The following SEMA3F variants were observed in gnomAD, a reference collection of about 807,000 sequenced individuals.
The protein encoded by SEMA3F is semaphorin 3F.
SEMA3F carries 30 observed loss-of-function variants against 98.5 expected under a neutral mutation model. That is an observed-to-expected ratio of 0.30 (90% CI 0.23 to 0.41). The LOEUF is 0.41. Ranked by LOEUF, SEMA3F falls within the 10% of genes least tolerant of loss-of-function variation. The pLI, the probability that SEMA3F is intolerant of heterozygous loss-of-function variation, is 1.00. For missense variants in SEMA3F, 866 were observed against 1,119.3 expected, an observed-to-expected ratio of 0.77 and a Z score of 3.23; for synonymous variants, 380 against 444.8, an observed-to-expected ratio of 0.85 and a Z score of 1.83.
chr3:50,183,620 G>A, intron 12 of SEMA3F, 56 bp downstream of exon 12: 1 of 1,582,346 alleles, frequency 6.3e-7, no homozygotes, highest in East Asian at 2.2e-5. Context: ...GAGGCCTCTG[G>A]GTCAGGCTCT....
intron 2 of SEMA3F, among the ~76,000 whole-genome samples, chr3:50,167,266 G>A (rs986351491): frequency 3.3e-5 from 5 of 152,228 alleles, no homozygotes; most frequent in African/African-American, 7.2e-5. Flanking sequence ...GGATGGTCAG[G>A]TGCATGGACC....
Position 50,184,391 on chromosome 3 carries a change from G to A in SEMA3F, c.1234-201G>A, listed in dbSNP as rs186560909. The A allele has an allele frequency of 3.4e-4, 203 of 591,558 alleles. 1 individual carries two copies. In the East Asian group the frequency reaches 5.3e-3, roughly 15 times the overall value. 36.6% of individuals were successfully genotyped at this position (591,558 alleles called of 1,614,324 possible). A position where few individuals can be genotyped will look rare whatever the true frequency, so the allele number is the denominator to read the frequency against. ...GGCACCTGAGGCCAGGGAGGTGGCT[G>A]TGGCATTTGGCCACCTGGGACCTTG... On this transcript the variant is annotated intron_variant, in intron 12 of 18. Transcript: ENST00000002829.
rs1263070101 is a variant in SEMA3F at position 50,184,634 on chromosome 3, G to A, written c.1276G>A (p.Asp426Asn). The change falls in exon 13 of 19, where the codon GAT becomes AAT. Residue 426 changes from aspartate to asparagine, a missense_variant. Physicochemically the swap from Asp to Asn is conservative, Grantham distance 23. Transcript: ENST00000002829. ...CACGCCATCTATGAAGTCCACCAAG[G>A]ATTATCCTGATGAGGTGATCAACTT... ...TFTPSMKSTK[D>N]YPDEVINFMR... 2.5e-6 allele frequency: 4 copies of A among 1,614,104 alleles called. No homozygotes were observed. Among genetic ancestry groups the A allele is most frequent in the Non-Finnish European group, 2.5e-6 (3 of 1,180,002 alleles).
rs1698408197 is a variant in SEMA3F, at chr3:50,166,402, G to A, written c.112+6668G>A. ...CCAAGGCTGAGTGGCTAGCACTCCAGGGGGCCTCTCCCAGGGCTGCCTGTA... is the reference window on the plus strand; with the variant it reads ...CCAAGGCTGAGTGGCTAGCACTCCAAGGGGCCTCTCCCAGGGCTGCCTGTA... On this transcript the variant is annotated intron_variant, in intron 2 of 18. Transcript: ENST00000002829. The surrounding 1 kb of genome is among the most constrained non-coding windows in gnomAD (Gnocchi z 4.7). Among the ~76,000 whole-genome samples the A allele has an allele frequency of 6.6e-6, 1 of 152,224 alleles. No homozygotes were observed. Among genetic ancestry groups the A allele is most frequent in the South Asian group, 2.1e-4 (1 of 4,832 alleles).
chr3:50,157,197 G>A (rs1698018964), intron 1 of SEMA3F, among the ~76,000 whole-genome samples: 1 of 151,662 alleles, frequency 6.6e-6, no homozygotes, highest in Non-Finnish European at 1.5e-5. Context: ...GTCTGGATCC[G>A]GCTGTACAGT....
chr3:50,175,306 C>G (rs1053432678), intron 6 of SEMA3F, 118 bp downstream of exon 6: 2 of 697,194 alleles, frequency 2.9e-6, no homozygotes, highest in Non-Finnish European at 5.1e-6. Flanking sequence ...GTGCCCACAC[C>G]CTGTCCCCAC....
chr3:50,166,480 C>T lies in SEMA3F; in HGVS notation c.112+6746C>T, dbSNP rs1698411076. 1.3e-5 allele frequency among the ~76,000 whole-genome samples: 2 copies of T among 152,184 alleles called. No homozygotes were observed. The highest frequency in any genetic ancestry group is 1.3e-4 in the Admixed American group (2 of 15,286). On this transcript the variant is annotated intron_variant, in intron 2 of 18. Coordinates refer to ENST00000002829, the MANE Select transcript of SEMA3F (RefSeq NM_004186.5). The surrounding 1 kb of genome is among the most constrained non-coding windows in gnomAD (Gnocchi z 4.7). ...CTGGGCCTGGGGCCTGTGCGGAGTG[C>T]TCACTGCCTGCCCTTGACTGGCTAC...
In SEMA3F at chr3:50,185,950, C is replaced by T. The variant is rs746453207; in HGVS notation, c.1649C>T (p.Ala550Val). Residue 550 changes from alanine to valine, a missense_variant, in exon 16 of 19, where the codon GCG (alanine) becomes GTG (valine). Physicochemically the swap from Ala to Val is moderately conservative, Grantham distance 64. Transcript: ENST00000002829. ...CACCTGAGCCTGCACCGCTGCCAGG[C>T]GTATGGGGCTGCCTGTGCTGACTGC... ...VTHLSLHRCQAYGAACADCCL... is the reference protein window; with the variant it reads ...VTHLSLHRCQVYGAACADCCL... 13 of 1,613,910 alleles carry T rather than the reference C, an allele frequency of 8.1e-6. No homozygotes were observed. The highest frequency in any genetic ancestry group is 3.3e-5 in the South Asian group (3 of 91,088).
chr3:50,155,069 C>A, upstream of SEMA3F: 1 of 371,352 alleles, frequency 2.7e-6, no homozygotes, highest in Non-Finnish European at 4.9e-6. The surrounding 1 kb of genome is among the most constrained non-coding windows in gnomAD (Gnocchi z 4.9). Context: ...AGCGCCCCGT[C>A]CCGCCGGCGG....
intron 2 of SEMA3F, among the ~76,000 whole-genome samples, chr3:50,160,585 G>A (rs535713375): frequency 7.9e-5 from 12 of 152,334 alleles, no homozygotes; most frequent in African/African-American, 2.9e-4. Context: ...CCATGCTGGG[G>A]CCTGGGGGAC....
At chr3:50,165,982 C>T (rs1356751108) in intron 2 of SEMA3F, among the ~76,000 whole-genome samples, 1 of 152,120 alleles carries the variant, frequency 6.6e-6, no homozygotes, top group Non-Finnish European at 1.5e-5. Context: ...CTCACTGGGC[C>T]GAGGGGAGCA....
rs59949761 is a variant in SEMA3F at position 50,188,174 on chromosome 3, G to GATATATATATAT, written c.*73_*84dup. 69 of 299,228 alleles carry GATATATATATAT rather than the reference G, an allele frequency of 2.3e-4. No homozygotes were observed. Among genetic ancestry groups the GATATATATATAT allele is most frequent in the Admixed American group, 7.5e-4 (14 of 18,588 alleles). The allele number at this position is 299,228 out of a possible 1,614,324, so 18.5% of individuals were successfully genotyped here. A position where few individuals can be genotyped will look rare whatever the true frequency, so the allele number is the denominator to read the frequency against. On this transcript the variant is annotated 3_prime_UTR_variant, in exon 19 of 19. Coordinates refer to ENST00000002829, the MANE Select transcript of SEMA3F (RefSeq NM_004186.5). The surrounding 1 kb of genome is among the most constrained non-coding windows in gnomAD (Gnocchi z 4.5). Reference sequence around the variant, plus strand: ...AGCCCTTGTCCCTTTTAATATAAAAGATATATATATATATATATATATATA... The same window carrying GATATATATATAT: ...AGCCCTTGTCCCTTTTAATATAAAAGATATATATATATATATATATATATATATATATATATA...
At chr3:50,160,046 A>G (rs1479415695) in intron 2 of SEMA3F, among the ~76,000 whole-genome samples, 4 of 152,040 alleles carry the variant, frequency 2.6e-5, no homozygotes, top group Non-Finnish European at 5.9e-5. Context: ...AGAGGTGGCA[A>G]TGTCACTCCT....
rs768032336 is a variant in SEMA3F, at chr3:50,175,123, G to A, written c.484G>A (p.Val162Ile). The stretch of plus-strand genomic sequence containing the variant: ...CACACCATGGACCCAGACTCAGGCG[G>A]TCAGAGGCCGCGGCAGCAGAGCCAC... ...QATPWTQTQA[V>I]RGRGSRATDG... The change falls in exon 6 of 19, where the codon GTC becomes ATC. Residue 162 changes from valine (V) to isoleucine (I), a missense_variant. Physicochemically the swap from Val to Ile is conservative, Grantham distance 29. This residue lies in a region of SEMA3F where 247 missense variants were observed against 276.0 expected (regional missense o/e 0.89). Transcript: ENST00000002829. 1 of 1,611,550 alleles carries A rather than the reference G, an allele frequency of 6.2e-7. No individual in the cohort carries two copies. Among genetic ancestry groups the A allele is most frequent in the Non-Finnish European group, 8.5e-7 (1 of 1,179,268 alleles).
At chr3:50,161,145 G>A (rs879459735) in intron 2 of SEMA3F, among the ~76,000 whole-genome samples, 26 of 152,164 alleles carry the variant, frequency 1.7e-4, no homozygotes, top group Non-Finnish European at 3.1e-4. Context: ...CTCCTCCCCC[G>A]ATAGTGGAAG....
At position 50,187,750 on chromosome 3, in the gene SEMA3F, C is replaced by T. The variant is rs369846946; in HGVS notation, c.1993C>T (p.Leu665Phe). The change falls in exon 19 of 19, where the codon CTC becomes TTC. Residue 665 changes from leucine (L) to phenylalanine (F), a missense_variant. This residue lies in a region of SEMA3F where 245 missense variants were observed against 260.5 expected (regional missense o/e 0.94). Coordinates refer to ENST00000002829, the MANE Select transcript of SEMA3F (RefSeq NM_004186.5). Reference sequence around the variant, plus strand: ...CCTGCGCACAGAGCAGGGCTTGTTGCTCCGTGCACTGCAGCTCAGCGATCG... The same window carrying T: ...CCTGCGCACAGAGCAGGGCTTGTTGTTCCGTGCACTGCAGCTCAGCGATCG... The part of the protein sequence containing the change: ...RFLRTEQGLL[L>F]RALQLSDRGL... 12 of 1,612,232 alleles carry T rather than the reference C, an allele frequency of 7.4e-6. No homozygotes were observed. The African/African-American group carries it at 1.5e-4, about 20-fold the overall frequency.
In SEMA3F at chr3:50,166,057, C is replaced by T. The variant is rs1350955787; in HGVS notation, c.112+6323C>T. ...CAAAGCAACCGGCCCCTCCAGGGATCAGGAAGCCTCAGCTCCGGATCCCCC... is the reference window on the plus strand; with the variant it reads ...CAAAGCAACCGGCCCCTCCAGGGATTAGGAAGCCTCAGCTCCGGATCCCCC... On this transcript the variant is annotated intron_variant, in intron 2 of 18. Transcript: ENST00000002829. The surrounding 1 kb of genome is among the most constrained non-coding windows in gnomAD (Gnocchi z 4.7). Among the ~76,000 whole-genome samples, 1 of 152,184 alleles carries T rather than the reference C, an allele frequency of 6.6e-6. No homozygotes were observed. The highest frequency in any genetic ancestry group is 1.5e-5 in the Non-Finnish European group (1 of 68,028).
At chr3:50,167,088 C>T (rs1399364152) in intron 2 of SEMA3F, among the ~76,000 whole-genome samples, 1 of 152,226 alleles carries the variant, frequency 6.6e-6, no homozygotes, top group Non-Finnish European at 1.5e-5. Flanking sequence ...TCTTCTCCCA[C>T]CCCCTGCTCA....
chr3:50,183,753 G>A (rs1397635821), intron 12 of SEMA3F, 189 bp downstream of exon 12: 8 of 649,006 alleles, frequency 1.2e-5, no homozygotes, highest in Non-Finnish European at 1.6e-5. Context: ...GGGATTCTGG[G>A]ACAAAGATGG....
Sources: gnomAD v4.1 joint callset for allele counts (sites outside exome capture counted in the v4.1 genomes callset) on GRCh38, gnomAD v4.1.1 for gene constraint, gnomAD v4.1.1 regional missense constraint, Gnocchi (gnomAD v3.1) non-coding constraint, MANE v1.5 for transcripts, NCBI Gene and HGNC (gene_info 2026-07-23, HGNC 2026-07-21) for gene names.